Variants in DNAH11 observed in about 807,000 individuals in gnomAD.
DNAH11 encodes dynein axonemal heavy chain 11.
DNAH11 carries 442 observed loss-of-function variants against 526.0 expected under a neutral mutation model. That is an observed-to-expected ratio of 0.84 (90% CI 0.78 to 0.91). The LOEUF (loss-of-function observed/expected upper bound fraction) is 0.91. Among genes scored for constraint, DNAH11 ranks in the 40% least tolerant of loss-of-function variants. The probability of loss-of-function intolerance (pLI) is 0.00; values close to 1 mark genes in which losing one functional copy is unlikely to be tolerated. For missense variants in DNAH11, 6,989 were observed against 5,448.7 expected, an observed-to-expected ratio of 1.28 and a Z score of -8.90; for synonymous variants, 2,461 against 1,935.9, an observed-to-expected ratio of 1.27 and a Z score of -7.12.
chr7:21,701,367 A>G (rs1720922403), intron 36 of DNAH11, among the ~76,000 whole-genome samples: 1 of 148,932 alleles, frequency 6.7e-6, no homozygotes, highest in Admixed American at 6.8e-5. Context: ...ATAGCTCACC[A>G]CAGCCTCGAC....
chr7:21,731,092 C>T (rs1461916690), intron 45 of DNAH11, among the ~76,000 whole-genome samples: 1 of 151,534 alleles, frequency 6.6e-6, no homozygotes, highest in Non-Finnish European at 1.5e-5. Flanking sequence ...TGCAGAGAGC[C>T]GAGAGTGCGC....
At chr7:21,609,580 A>G (rs55844287) in intron 20 of DNAH11, among the ~76,000 whole-genome samples, 21,251 of 152,120 alleles carry the variant, frequency 0.14, 1,561 homozygotes, top group East Asian at 0.2. Context: ...AAAAAAAACG[A>G]TTAAAAATAA....
At chr7:21,556,689 A>G (rs1783232345) in intron 2 of DNAH11, among the ~76,000 whole-genome samples, 1 of 152,076 alleles carries the variant, frequency 6.6e-6, no homozygotes, top group Non-Finnish European at 1.5e-5. Flanking sequence ...CTCCACCCTC[A>G]AGAAGGCCAC....
At chr7:21,737,350 T>G (rs1415680863) in intron 46 of DNAH11, among the ~76,000 whole-genome samples, 2 of 152,212 alleles carry the variant, frequency 1.3e-5, no homozygotes, top group Non-Finnish European at 2.9e-5. Flanking sequence ...CCAAAGTGTT[T>G]TCTGGAACAT....
chr7:21,619,082 T>A lies in DNAH11; in HGVS notation c.4255-18T>A, dbSNP rs1372173521. On this transcript the variant is annotated intron_variant, in intron 23 of 81. Coordinates refer to ENST00000409508, the MANE Select transcript of DNAH11 (RefSeq NM_001277115.2). ...ATATATGTGGAATATAAAGTCTAACTTTTTTTCCCCCAATCAGGTCAAGTT... is the reference window on the plus strand; with the variant it reads ...ATATATGTGGAATATAAAGTCTAACATTTTTTCCCCCAATCAGGTCAAGTT... 6 of 1,610,950 alleles carry A rather than the reference T, an allele frequency of 3.7e-6. No individual in the cohort carries two copies. Among genetic ancestry groups the A allele is most frequent in the Non-Finnish European group, 5.1e-6 (6 of 1,177,978 alleles).
intron 20 of DNAH11, among the ~76,000 whole-genome samples, chr7:21,610,241 G>A (rs1019581098): frequency 6.6e-5 from 10 of 152,108 alleles, no homozygotes; most frequent in Non-Finnish European, 8.8e-5. Context: ...GCGACAGTGC[G>A]AGACTCCATC....
At chr7:21,769,580 G>T (rs1278075157) in intron 55 of DNAH11, among the ~76,000 whole-genome samples, 1 of 151,978 alleles carries the variant, frequency 6.6e-6, no homozygotes, top group Non-Finnish European at 1.5e-5. Context: ...CGCCTCTCGG[G>T]TTCAAGTGAT....
chr7:21,604,310 C>T (rs924397349), intron 18 of DNAH11, among the ~76,000 whole-genome samples: 1 of 152,146 alleles, frequency 6.6e-6, no homozygotes, highest in Non-Finnish European at 1.5e-5. Context: ...CACTTTAATT[C>T]AGCTCTTGTT....
At chr7:21,856,728 A>G (rs2128027093) in intron 68 of DNAH11, among the ~76,000 whole-genome samples, 1 of 152,316 alleles carries the variant, frequency 6.6e-6, no homozygotes, top group South Asian at 2.1e-4. Context: ...AAGAAAAAAA[A>G]GCTCATATGG....
chr7:21,543,175 G>T lies in DNAH11; in HGVS notation c.-71G>T. ...GGTGGGCGCCTGCGGAGGTGTCCTCGCTCACTTCGGGGGGCCCAGAGTCTC... is the reference window on the plus strand; with the variant it reads ...GGTGGGCGCCTGCGGAGGTGTCCTCTCTCACTTCGGGGGGCCCAGAGTCTC... On this transcript the variant is annotated 5_prime_UTR_variant, in exon 1 of 82. Transcript: ENST00000409508. 1 of 1,446,426 alleles carries T rather than the reference G, an allele frequency of 6.9e-7. No homozygotes were observed. Among genetic ancestry groups the T allele is most frequent in the Non-Finnish European group, 9.0e-7 (1 of 1,106,158 alleles). The allele number at this position is 1,446,426 out of a possible 1,614,324, so 89.6% of individuals were successfully genotyped here. A position where few individuals can be genotyped will look rare whatever the true frequency, so the allele number is the denominator to read the frequency against.
chr7:21,578,161 T>C (rs947072374), intron 8 of DNAH11, among the ~76,000 whole-genome samples: 1 of 152,156 alleles, frequency 6.6e-6, no homozygotes, highest in Non-Finnish European at 1.5e-5. Context: ...CTCACTGTCA[T>C]GAGAACAACA....
intron 61 of DNAH11, among the ~76,000 whole-genome samples, chr7:21,792,360 G>T (rs1191965246): frequency 6.6e-6 from 1 of 152,160 alleles, no homozygotes; most frequent in Non-Finnish European, 1.5e-5. Flanking sequence ...CTGAGATACT[G>T]ACTGTAGTTT....
chr7:21,794,477 T>G lies in DNAH11; in HGVS notation c.10026+5135T>G, dbSNP rs186420941. Among the ~76,000 whole-genome samples the G allele has an allele frequency of 3.3e-5, 5 of 152,328 alleles. No individual in the cohort carries two copies. In the South Asian group the frequency reaches 8.3e-4, roughly 25 times the overall value. The stretch of plus-strand genomic sequence containing the variant: ...TTCCTTTTCAGCACTATATGGAACA[T>G]TAAGCTCAGGTTTGCCTTGACTCTT... On this transcript the variant is annotated intron_variant, in intron 61 of 81. Coordinates refer to ENST00000409508, the MANE Select transcript of DNAH11 (RefSeq NM_001277115.2).
chr7:21,748,867 C>T (rs1241571026), intron 52 of DNAH11, 125 bp downstream of exon 52: 8 of 958,034 alleles, frequency 8.4e-6, no homozygotes, highest in East Asian at 2.7e-5. Context: ...CACGGGAGAG[C>T]GGGAGCTCTT....
At chr7:21,777,812 T>C (rs1182721449) in intron 56 of DNAH11, among the ~76,000 whole-genome samples, 2 of 152,214 alleles carry the variant, frequency 1.3e-5, no homozygotes, top group East Asian at 3.8e-4. Flanking sequence ...GCAGCCATAG[T>C]AGTAATCATG....
At chr7:21,655,756 A>G in intron 28 of DNAH11, 76 bp from the exon 29 acceptor site, 1 of 1,425,968 alleles carries the variant, frequency 7.0e-7, no homozygotes, top group Non-Finnish European at 9.6e-7. Context: ...ATGACTTCAT[A>G]TGGCATCATC....
Position 21,786,666 on chromosome 7 carries a change from G to T in DNAH11, c.9640G>T (p.Ala3214Ser), listed in dbSNP as rs141979671. ...ELKAFPNPPI[A>S]VTNVTAAVMV... ...GAAAGCCTTTCCCAACCCTCCCATC[G>T]CAGTTACCAATGTTACTGCAGCCGT... Residue 3214 changes from alanine (A) to serine (S), a missense_variant, in exon 59 of 82, where the codon GCA becomes TCA. Transcript: ENST00000409508. 2.5e-5 allele frequency: 40 copies of T among 1,613,196 alleles called. No homozygotes were observed. In the East Asian group the frequency reaches 8.9e-4, roughly 36 times the overall value.
At chr7:21,563,872 C>T (rs186851951) in intron 5 of DNAH11, among the ~76,000 whole-genome samples, 154 of 152,252 alleles carry the variant, frequency 1.0e-3, no homozygotes, top group Non-Finnish European at 1.4e-3. Context: ...TTTATTCCGA[C>T]AGTTTCCACA....
At chr7:21,660,412 A>G (rs570273642) in intron 30 of DNAH11, among the ~76,000 whole-genome samples, 26 of 151,956 alleles carry the variant, frequency 1.7e-4, no homozygotes, top group African/African-American at 6.0e-4. Flanking sequence ...TTTTTTTTCT[A>G]ACTCTTATCT....
Sources: allele counts gnomAD v4.1 joint callset (sites outside exome capture counted in the v4.1 genomes callset), GRCh38; gene constraint gnomAD v4.1.1; transcripts MANE v1.5; gene names NCBI Gene and HGNC (gene_info 2026-07-23, HGNC 2026-07-21).